PI4K2A: variants seen among roughly 807,000 people sequenced by gnomAD.
PI4K2A encodes phosphatidylinositol 4-kinase type 2 alpha, also known as phosphatidylinositol 4-kinase type 2-alpha.
A neutral mutation model predicts 55.0 loss-of-function variants in PI4K2A; 20 were observed. The observed-to-expected ratio is 0.36, with a 90% CI of 0.26 to 0.53. PI4K2A has a LOEUF of 0.53. PI4K2A is among the 20% of genes least tolerant of loss of function. The probability of loss-of-function intolerance (pLI) is 0.91; values close to 1 mark genes in which losing one functional copy is unlikely to be tolerated. For missense variants in PI4K2A, 463 were observed against 637.1 expected (o/e 0.73, Z 2.94); for synonymous variants, 235 against 258.5 (o/e 0.91, Z 0.87).
chr10:97,669,758 G>A (rs2041626781), intron 8 of PI4K2A, among the ~76,000 whole-genome samples: 2 of 152,174 alleles, frequency 1.3e-5, no homozygotes, highest in Non-Finnish European at 2.9e-5. Flanking sequence ...AGGATGGGCT[G>A]TAGTACAAGG....
intron 8 of PI4K2A, among the ~76,000 whole-genome samples, 177 bp downstream of exon 8, chr10:97,667,297 C>T (rs1234010749): frequency 3.3e-5 from 5 of 152,146 alleles, no homozygotes; most frequent in African/African-American, 4.8e-5. Context: ...GCAACCTCCA[C>T]CTCCCAGGTT....
chr10:97,656,506 T>C lies in PI4K2A; in HGVS notation c.768+90T>C, dbSNP rs1289703915. 1 of 1,258,426 alleles carries C rather than the reference T, an allele frequency of 7.9e-7. No homozygotes were observed. Among genetic ancestry groups the C allele is most frequent in the African/African-American group, 1.5e-5 (1 of 68,124 alleles). 78.0% of individuals were successfully genotyped at this position (1,258,426 alleles called of 1,614,324 possible). A position where few individuals can be genotyped will look rare whatever the true frequency, so the allele number is the denominator to read the frequency against. ...AAGCAAGGTGCCTACAACTCAAATATGGGCACGTGAATAACCTGCCCTGAG... is the reference window on the plus strand; with the variant it reads ...AAGCAAGGTGCCTACAACTCAAATACGGGCACGTGAATAACCTGCCCTGAG... On this transcript the variant is annotated intron_variant, in intron 3 of 8. Transcript: ENST00000370631. This position sits in a 1 kb window ranked among gnomAD's most constrained non-coding sequence, Gnocchi z 4.5.
chr10:97,650,805 AG>A, intron 1 of PI4K2A, 135 bp from the exon 2 acceptor site: 1 of 654,706 alleles, frequency 1.5e-6, no homozygotes, highest in East Asian at 2.7e-5. Context: ...ACCAACTGGG[AG>A]AAACCTGAGT....
chr10:97,672,999 T>G (rs1000557092), intron 8 of PI4K2A, among the ~76,000 whole-genome samples: 4 of 151,838 alleles, frequency 2.6e-5, no homozygotes, highest in African/African-American at 7.3e-5. Context: ...TCTTTTTGTT[T>G]TTTGAGATGG....
At chr10:97,668,827 T>C (rs1328134686) in intron 8 of PI4K2A, among the ~76,000 whole-genome samples, 2 of 152,106 alleles carry the variant, frequency 1.3e-5, no homozygotes, top group Non-Finnish European at 2.9e-5. Flanking sequence ...ACCTCCTGGG[T>C]TTGCTGAGCC....
At chr10:97,654,813 T>TAAATC (rs10650089) in intron 2 of PI4K2A, among the ~76,000 whole-genome samples, 71,607 of 151,486 alleles carry the variant, frequency 0.47, 17,991 homozygotes, top group African/African-American at 0.66. Flanking sequence ...CAATTTGACT[T>TAAATC]AAGTATAATA....
chr10:97,654,116 C>G (rs1416771614), intron 2 of PI4K2A, among the ~76,000 whole-genome samples: 1 of 152,190 alleles, frequency 6.6e-6, no homozygotes, highest in Non-Finnish European at 1.5e-5. Flanking sequence ...AATGGTAAGG[C>G]TCTAATTCTC....
intron 5 of PI4K2A, 106 bp from the exon 6 acceptor site, chr10:97,664,779 T>C (rs1486751207): frequency 1.4e-6 from 1 of 713,576 alleles, no homozygotes; most frequent in Non-Finnish European, 2.5e-6. Context: ...ATAAGTTCAA[T>C]AAGAATTCTT....
chr10:97,642,868 T>C lies in PI4K2A; in HGVS notation c.435+1691T>C, dbSNP rs1207757666. Among the ~76,000 whole-genome samples, 90 of 115,776 alleles carry C rather than the reference T, an allele frequency of 7.8e-4. 4 individuals are homozygous for C. The highest frequency in any genetic ancestry group is 1.2e-3 in the African/African-American group (32 of 26,076). The allele number at this position is 115,776 out of a possible 152,430, so 76.0% of individuals were successfully genotyped here. A position where few individuals can be genotyped will look rare whatever the true frequency, so the allele number is the denominator to read the frequency against. ...CTTCCTTCCTTTCTTTCTTTCTTTT[T>C]CTTTCTTTCTTTCTTTCTTCCTTCC... On this transcript the variant is annotated intron_variant, in intron 1 of 8. Transcript: ENST00000370631.
At chr10:97,660,138 A>G (rs2041574007) in intron 4 of PI4K2A, among the ~76,000 whole-genome samples, 2 of 149,386 alleles carry the variant, frequency 1.3e-5, no homozygotes, top group Admixed American at 1.3e-4. Flanking sequence ...AGTAGCTGGG[A>G]CTACAGGCGC....
At chr10:97,648,180 A>C (rs1319814202) in intron 1 of PI4K2A, among the ~76,000 whole-genome samples, 1 of 133,888 alleles carries the variant, frequency 7.5e-6, no homozygotes, top group African/African-American at 2.9e-5. Context: ...TGCGACCTCC[A>C]CCTCCCAGGT....
rs1435196626 is a variant in PI4K2A, at chr10:97,663,847, GAGAC to G, written c.984+882_984+885del. ...AAATTAAAAAAAAAAAAAAAAAAAAGAGACAGGGTCTTGCTCTGTTGCGCAGGCT... is the reference window on the plus strand; with the variant it reads ...AAATTAAAAAAAAAAAAAAAAAAAAGAGGGTCTTGCTCTGTTGCGCAGGCT... On this transcript the variant is annotated intron_variant, in intron 5 of 8. Coordinates refer to ENST00000370631, the Ensembl canonical transcript of PI4K2A. Among the ~76,000 whole-genome samples the G allele has an allele frequency of 3.7e-5, 5 of 136,464 alleles. No homozygotes were observed. The East Asian group carries it at 8.7e-4, about 24-fold the overall frequency. 89.5% of individuals were successfully genotyped at this position (136,464 alleles called of 152,430 possible).
chr10:97,656,710 C>G lies in PI4K2A; in HGVS notation c.769-111C>G, dbSNP rs2041556592. The G allele has an allele frequency of 3.1e-6, 3 of 973,032 alleles. No individual in the cohort carries two copies. The highest frequency in any genetic ancestry group is 2.4e-5 in the East Asian group (1 of 41,534). 60.3% of individuals were successfully genotyped at this position (973,032 alleles called of 1,614,324 possible). A position where few individuals can be genotyped will look rare whatever the true frequency, so the allele number is the denominator to read the frequency against. ...GGAAGTAAAGATCTTGAAAAGTTTT[C>G]CTTCTCTGATACAAACTCCATAGGG... On this transcript the variant is annotated intron_variant, in intron 3 of 8. Coordinates refer to ENST00000370631, the Ensembl canonical transcript of PI4K2A. This position sits in a 1 kb window ranked among gnomAD's most constrained non-coding sequence, Gnocchi z 4.5.
exon 7 of PI4K2A, chr10:97,666,452 G>A (rs2041609618): frequency 6.2e-7 from 1 of 1,612,956 alleles, no homozygotes; most frequent in African/African-American, 1.3e-5. Flanking sequence ...TTTTTACTGG[G>A]CCTGGTTGCC....
intron 2 of PI4K2A, among the ~76,000 whole-genome samples, chr10:97,655,714 A>G (rs1233034678): frequency 6.6e-6 from 1 of 152,066 alleles, no homozygotes; most frequent in African/African-American, 2.4e-5. Flanking sequence ...ATCTAGGATT[A>G]CAGACGTGCA....
chr10:97,676,405 A>G (rs2041664845), exon 9 of PI4K2A: 1 of 152,190 alleles, frequency 6.6e-6, no homozygotes, highest in African/African-American at 2.4e-5. Flanking sequence ...ACTTCCTAAG[A>G]GCCAAAAATA....
intron 4 of PI4K2A, among the ~76,000 whole-genome samples, 166 bp from the exon 5 acceptor site, chr10:97,662,741 A>G (rs1244507711): frequency 2.0e-5 from 3 of 152,310 alleles, no homozygotes; most frequent in Non-Finnish European, 4.4e-5. Flanking sequence ...TTGTGGTCTT[A>G]TTAAAATCTC....
At chr10:97,642,875 TTC>T (rs1348244304) in intron 1 of PI4K2A, among the ~76,000 whole-genome samples, 2 of 123,582 alleles carry the variant, frequency 1.6e-5, no homozygotes, top group African/African-American at 6.9e-5. Context: ...TTTTCTTTCT[TTC>T]TTTCTTTCTT....
At chr10:97,646,377 C>T (rs1004425150) in intron 1 of PI4K2A, among the ~76,000 whole-genome samples, 11 of 151,936 alleles carry the variant, frequency 7.2e-5, no homozygotes, top group East Asian at 1.9e-4. Flanking sequence ...CCACCATGCC[C>T]GGCTAATTTT....
Sources: gnomAD v4.1 joint callset for allele counts (sites outside exome capture counted in the v4.1 genomes callset) on GRCh38, gnomAD v4.1.1 for gene constraint, Gnocchi (gnomAD v3.1) non-coding constraint, MANE v1.5 for transcripts, NCBI Gene and HGNC (gene_info 2026-07-23, HGNC 2026-07-21) for gene names.